The following EYS variants were observed in gnomAD, a reference collection of about 807,000 sequenced individuals.
The protein encoded by EYS is protein eyes shut homolog.
In EYS, 250 loss-of-function variants were observed where a neutral mutation model predicts 282.1. The observed-to-expected ratio is 0.89, with a 90% CI of 0.80 to 0.98. The LOEUF is 0.98. EYS is among the 50% of genes least tolerant of loss of function. The pLI is 0.00. For synonymous variants in EYS, 1,355 were observed against 1,282.9 expected, an observed-to-expected ratio of 1.06 and a Z score of -1.20; for missense variants, 4,016 against 3,709.0, an observed-to-expected ratio of 1.08 and a Z score of -2.15.
At chr6:65,599,438 C>T (rs1765537465) in intron 2 of EYS, among the ~76,000 whole-genome samples, 1 of 152,020 alleles carries the variant, frequency 6.6e-6, no homozygotes, top group Non-Finnish European at 1.5e-5. Flanking sequence ...ATCTTGCTAT[C>T]CCAACCGTCA....
At chr6:64,523,843 A>G (rs1219154930) in intron 26 of EYS, among the ~76,000 whole-genome samples, 1 of 151,664 alleles carries the variant, frequency 6.6e-6, no homozygotes, top group Non-Finnish European at 1.5e-5. Context: ...CCTCCCTCCC[A>G]TCTGAAATCT....
chr6:64,826,180 A>G (rs903676860), intron 19 of EYS, among the ~76,000 whole-genome samples: 3 of 151,998 alleles, frequency 2.0e-5, no homozygotes, highest in South Asian at 2.1e-4. Context: ...TTGACCTGGC[A>G]TGCATCACTG....
At chr6:64,556,835 G>C (rs1191359902) in intron 26 of EYS, among the ~76,000 whole-genome samples, 1 of 151,682 alleles carries the variant, frequency 6.6e-6, no homozygotes. Flanking sequence ...GAAAACCAAG[G>C]ACAATTAAAA....
intron 15 of EYS, among the ~76,000 whole-genome samples, chr6:64,940,877 A>G (rs907766813): frequency 2.6e-5 from 4 of 152,108 alleles, no homozygotes; most frequent in African/African-American, 7.2e-5. Context: ...AGAATTCTCA[A>G]CCTTAATCAC....
chr6:63,924,344 T>C (rs1454609139), intron 35 of EYS, among the ~76,000 whole-genome samples: 1 of 152,202 alleles, frequency 6.6e-6, no homozygotes, highest in African/African-American at 2.4e-5. Flanking sequence ...CTTGAAATGC[T>C]TCGTGTGGAA....
chr6:64,282,979 C>T (rs1329941663), intron 30 of EYS, among the ~76,000 whole-genome samples: 1 of 151,344 alleles, frequency 6.6e-6, no homozygotes, highest in Admixed American at 6.6e-5. Context: ...CTGCTCAAAA[C>T]TCTGTTTCCC....
At chr6:65,455,457 G>C (rs1080459) in intron 5 of EYS, among the ~76,000 whole-genome samples, 43,939 of 151,712 alleles carry the variant, frequency 0.29, 7,663 homozygotes, top group Middle Eastern at 0.43. Flanking sequence ...AATTTTAAAG[G>C]TGAACAAAAT....
rs1006604572 is a variant in EYS, at chr6:65,639,821, T to C, written c.-376A>G. On this transcript the variant is annotated 5_prime_UTR_variant, in exon 2 of 43. Transcript: ENST00000503581. ...GTTGCTGTTTGAGATCAGTGTTTTA[T>C]TTGCTAAATAAATATGGAGCAGAGG... 1 of 152,124 alleles carries C rather than the reference T, an allele frequency of 6.6e-6. No individual in the cohort carries two copies. The highest frequency in any genetic ancestry group is 6.5e-5 in the Admixed American group (1 of 15,282). The allele number at this position is 152,124 out of a possible 1,614,324, so 9.4% of individuals were successfully genotyped here. A position where few individuals can be genotyped will look rare whatever the true frequency, so the allele number is the denominator to read the frequency against.
intron 19 of EYS, among the ~76,000 whole-genome samples, chr6:64,823,171 A>G (rs1764950511): frequency 6.6e-6 from 1 of 151,854 alleles, no homozygotes; most frequent in Non-Finnish European, 1.5e-5. Context: ...TTGAGAGTCA[A>G]ACGTTTATTA....
intron 29 of EYS, among the ~76,000 whole-genome samples, chr6:64,346,097 G>C (rs1161442107): frequency 6.6e-6 from 1 of 152,102 alleles, no homozygotes; most frequent in Non-Finnish European, 1.5e-5. Flanking sequence ...CTTGTACACT[G>C]TTGGTGGGAC....
chr6:65,528,574 C>A (rs369098368), intron 2 of EYS, among the ~76,000 whole-genome samples: 1 of 152,194 alleles, frequency 6.6e-6, no homozygotes, highest in Non-Finnish European at 1.5e-5. Context: ...CACCCTCTTG[C>A]CTTCTGCCAT....
chr6:64,596,376 A>G (rs555697611), intron 24 of EYS, among the ~76,000 whole-genome samples: 8 of 152,342 alleles, frequency 5.3e-5, no homozygotes, highest in African/African-American at 1.7e-4. Flanking sequence ...CTGAATTTAT[A>G]TGGAATCACA....
At chr6:63,875,474 T>A (rs938585591) in intron 35 of EYS, among the ~76,000 whole-genome samples, 1 of 152,360 alleles carries the variant, frequency 6.6e-6, no homozygotes, top group South Asian at 2.1e-4. Flanking sequence ...ATCAGGATAA[T>A]GTTGGCCTCA....
At chr6:64,168,202 A>G (rs955102446) in intron 31 of EYS, among the ~76,000 whole-genome samples, 2 of 152,192 alleles carry the variant, frequency 1.3e-5, no homozygotes, top group African/African-American at 4.8e-5. Flanking sequence ...GGGAGCTTGC[A>G]GTGAGCCAAG....
chr6:64,306,832 G>A (rs1392262956), intron 30 of EYS, 138 bp downstream of exon 30: 4 of 606,020 alleles, frequency 6.6e-6, no homozygotes, highest in Non-Finnish European at 1.2e-5. Context: ...AAAGAGTGAA[G>A]TAGAACGTAG....
chr6:63,871,376 A>G (rs1772799735), intron 35 of EYS, among the ~76,000 whole-genome samples: 1 of 152,038 alleles, frequency 6.6e-6, no homozygotes, highest in Non-Finnish European at 1.5e-5. Context: ...TTAATTTATC[A>G]TCTGCTGGGC....
Position 64,891,772 on chromosome 6 carries a change from G to C in EYS, c.2847-4930C>G, listed in dbSNP as rs190153203. On this transcript the variant is annotated intron_variant, in intron 18 of 42. Transcript: ENST00000503581. ...AGGTCCCTAAAGTATACCTTCCTTT[G>C]ATAAAACTCAATATTCATAGCTTTT... 1.7e-3 allele frequency among the ~76,000 whole-genome samples: 254 copies of C among 151,970 alleles called. 2 individuals carry two copies. The highest frequency in any genetic ancestry group is 5.9e-3 in the African/African-American group (244 of 41,480).
intron 5 of EYS, among the ~76,000 whole-genome samples, chr6:65,483,849 G>A (rs974784741): frequency 9.2e-5 from 14 of 152,110 alleles, no homozygotes; most frequent in African/African-American, 3.4e-4. Context: ...TACATGGATG[G>A]CAGCAAGCAA....
intron 30 of EYS, among the ~76,000 whole-genome samples, chr6:64,275,662 T>A (rs1768085636): frequency 6.6e-6 from 1 of 151,510 alleles, no homozygotes; most frequent in Non-Finnish European, 1.5e-5. Flanking sequence ...GTGATCTGTG[T>A]GCCTTATTAC....
Sources: gnomAD v4.1 joint callset for allele counts (sites outside exome capture counted in the v4.1 genomes callset) on GRCh38, gnomAD v4.1.1 for gene constraint, MANE v1.5 for transcripts, NCBI Gene and HGNC (gene_info 2026-07-23, HGNC 2026-07-21) for gene names.